Variants in PCED1B observed in about 807,000 individuals in gnomAD.
The protein encoded by PCED1B is PC-esterase domain containing 1B, also known as PC-esterase domain-containing protein 1B.
For synonymous variants in PCED1B, 251 were observed against 246.1 expected (o/e 1.02, Z -0.19); for missense variants, 573 against 573.9 (o/e 1.00, Z 0.02).
At chr12:47,094,900 C>CTTTT (rs59157160) in intron 1 of PCED1B, among the ~76,000 whole-genome samples, 3 of 140,106 alleles carry the variant, frequency 2.1e-5, no homozygotes, top group Admixed American at 7.1e-5. Flanking sequence ...CTCTCTCTTT[C>CTTTT]TTTTTTTTTT....
At position 47,105,733 on chromosome 12, in the gene PCED1B, AG is replaced by A. The variant is rs1390953778; in HGVS notation, c.-526+1540del. Reference sequence around the variant, plus strand: ...AGAAAATATTTTGTCCCTTTTAAAAAGGTTCTAGTAAGAAGCAGCTTTAATG... The same window carrying A: ...AGAAAATATTTTGTCCCTTTTAAAAAGTTCTAGTAAGAAGCAGCTTTAATG... On this transcript the variant is annotated intron_variant, in intron 2 of 3. Coordinates refer to ENST00000546455, the MANE Select transcript of PCED1B (RefSeq NM_138371.3). Among the ~76,000 whole-genome samples the A allele has an allele frequency of 4.6e-5, 7 of 152,324 alleles. No individual in the cohort carries two copies. In the East Asian group the frequency reaches 1.4e-3, roughly 29 times the overall value.
At chr12:47,129,713 C>T (rs557576701) in intron 2 of PCED1B, among the ~76,000 whole-genome samples, 197 of 152,252 alleles carry the variant, frequency 1.3e-3, no homozygotes, top group Non-Finnish European at 2.3e-3. Context: ...GATGCCCATT[C>T]CTAGTCCAAT....
chr12:47,227,460 A>G (rs1362483684), intron 3 of PCED1B, among the ~76,000 whole-genome samples: 1 of 151,874 alleles, frequency 6.6e-6, no homozygotes, highest in African/African-American at 2.4e-5. Flanking sequence ...GGCGAGAGCC[A>G]CCGTGCCCGG....
In PCED1B at chr12:47,096,188, A is replaced by G. The variant is rs900169749; in HGVS notation, c.-608-7925A>G. ...CATGGAAAACCCATTTCTGTACAGT[A>G]TCATATCCCATAGTTAATCATACTT... is the stretch of plus-strand genomic sequence containing the variant. On this transcript the variant is annotated intron_variant, in intron 1 of 3. Coordinates refer to ENST00000546455, the MANE Select transcript of PCED1B (RefSeq NM_138371.3). Among the ~76,000 whole-genome samples, 9 of 152,278 alleles carry G rather than the reference A, an allele frequency of 5.9e-5. No homozygotes were observed. The Middle Eastern group carries it at 0.01, about 173-fold the overall frequency.
intron 3 of PCED1B, among the ~76,000 whole-genome samples, chr12:47,221,425 G>T (rs1943475119): frequency 7.0e-6 from 1 of 143,840 alleles, no homozygotes; most frequent in Non-Finnish European, 1.5e-5. Context: ...TGATCCTCCT[G>T]CCTAAGCTTC....
chr12:47,154,980 GGGA>G (rs1382204255), intron 2 of PCED1B, among the ~76,000 whole-genome samples: 1 of 152,054 alleles, frequency 6.6e-6, no homozygotes, highest in African/African-American at 2.4e-5. Flanking sequence ...CCATGGGGTG[GGGA>G]GAAGAAGGGT....
intron 2 of PCED1B, among the ~76,000 whole-genome samples, chr12:47,166,313 T>C (rs889429455): frequency 2.0e-5 from 3 of 152,210 alleles, no homozygotes; most frequent in Admixed American, 6.5e-5. Flanking sequence ...TTTCTCTCTC[T>C]TCACTCCCTC....
At chr12:47,105,381 G>A (rs914941822) in intron 2 of PCED1B, among the ~76,000 whole-genome samples, 3 of 152,140 alleles carry the variant, frequency 2.0e-5, no homozygotes, top group Non-Finnish European at 2.9e-5. Flanking sequence ...AGACCAGTGC[G>A]GAAAGAAAGT....
chr12:47,204,603 G>A (rs950842853), intron 2 of PCED1B, among the ~76,000 whole-genome samples: 28 of 152,252 alleles, frequency 1.8e-4, no homozygotes, highest in Admixed American at 7.8e-4. Context: ...CTCACTCACA[G>A]ATCTCTGGGT....
intron 2 of PCED1B, among the ~76,000 whole-genome samples, chr12:47,173,488 G>A (rs991579278): frequency 3.3e-5 from 5 of 152,082 alleles, no homozygotes; most frequent in East Asian, 1.9e-4. Context: ...TCTTGACCTC[G>A]TGATCTGCCC....
intron 2 of PCED1B, among the ~76,000 whole-genome samples, chr12:47,195,294 A>C (rs1001691280): frequency 6.6e-6 from 1 of 150,504 alleles, no homozygotes; most frequent in Non-Finnish European, 1.5e-5. Flanking sequence ...ATGCCACTGC[A>C]CTCCAGCCTG....
intron 3 of PCED1B, among the ~76,000 whole-genome samples, chr12:47,217,473 A>AAAG (rs1491415763): frequency 9.8e-5 from 9 of 91,968 alleles, no homozygotes; most frequent in Non-Finnish European, 1.4e-4. Context: ...AAAGAAAGAG[A>AAAG]AAGAAAGAAA....
chr12:47,195,388 G>C (rs1942575293), intron 2 of PCED1B, among the ~76,000 whole-genome samples: 1 of 151,838 alleles, frequency 6.6e-6, no homozygotes, highest in Non-Finnish European at 1.5e-5. Flanking sequence ...TCTCGAGGGA[G>C]AAAATGAGGA....
intron 2 of PCED1B, among the ~76,000 whole-genome samples, chr12:47,138,984 C>T (rs1366322170): frequency 5.3e-5 from 8 of 152,126 alleles, no homozygotes; most frequent in Admixed American, 4.6e-4. Flanking sequence ...TTTCTTTAAG[C>T]ATTAATCACT....
intron 1 of PCED1B, among the ~76,000 whole-genome samples, chr12:47,097,946 C>G (rs1376524670): frequency 6.6e-6 from 1 of 152,210 alleles, no homozygotes; most frequent in Non-Finnish European, 1.5e-5. Context: ...GTTATCCATG[C>G]TCCAAAGACT....
At chr12:47,130,913 T>C (rs1940097602) in intron 2 of PCED1B, among the ~76,000 whole-genome samples, 1 of 152,220 alleles carries the variant, frequency 6.6e-6, no homozygotes, top group Non-Finnish European at 1.5e-5. Flanking sequence ...GTTATATTAA[T>C]CAGCTATTTA....
At chr12:47,179,600 A>G (rs7960991) in intron 2 of PCED1B, among the ~76,000 whole-genome samples, 42,090 of 152,150 alleles carry the variant, frequency 0.28, 6,204 homozygotes, top group East Asian at 0.55. Flanking sequence ...ATTGTGACAC[A>G]ACTAATATTA....
At chr12:47,134,729 G>C (rs535534239) in intron 2 of PCED1B, among the ~76,000 whole-genome samples, 1 of 152,102 alleles carries the variant, frequency 6.6e-6, no homozygotes, top group Non-Finnish European at 1.5e-5. Context: ...TTAGCTGGGC[G>C]TGGTGGCGGG....
At chr12:47,111,269 G>C (rs1020686532) in intron 2 of PCED1B, among the ~76,000 whole-genome samples, 2 of 152,158 alleles carry the variant, frequency 1.3e-5, no homozygotes, top group African/African-American at 4.8e-5. Context: ...ACCTGTATTA[G>C]AGTGTTGGAA....
Sources: allele counts gnomAD v4.1 joint callset (sites outside exome capture counted in the v4.1 genomes callset), GRCh38; gene constraint gnomAD v4.1.1; transcripts MANE v1.5; gene names NCBI Gene and HGNC (gene_info 2026-07-23, HGNC 2026-07-21).